PCCB: variants seen among roughly 807,000 people sequenced by gnomAD.
The protein encoded by PCCB is propionyl-CoA carboxylase subunit beta, also known as propionyl-CoA carboxylase beta chain, mitochondrial.
A neutral mutation model predicts 60.7 loss-of-function variants in PCCB; 43 were observed. That is an observed-to-expected ratio of 0.71 (90% CI 0.55 to 0.91). PCCB has a LOEUF of 0.91. Among genes scored for constraint, PCCB ranks in the 40% least tolerant of loss-of-function variants. PCCB has a pLI of 0.00. For synonymous variants in PCCB, 276 were observed against 255.9 expected, an observed-to-expected ratio of 1.08 and a Z score of -0.75; for missense variants, 766 against 702.8, an observed-to-expected ratio of 1.09 and a Z score of -1.02.
In PCCB at chr3:136,328,842, C is replaced by T. The variant is rs751909863; in HGVS notation, c.1483C>T (p.Pro495Ser). 2 of 1,613,758 alleles carry T rather than the reference C, an allele frequency of 1.2e-6. No homozygotes were observed. Among genetic ancestry groups the T allele is most frequent in the Non-Finnish European group, 8.5e-7 (1 of 1,179,602 alleles). ...EYIEKFANPFPAAVRGFVDDI... is the reference protein window; with the variant it reads ...EYIEKFANPFSAAVRGFVDDI... ...CATCGAGAAGTTTGCCAACCCTTTCCCTGCAGCAGTGCGAGGTAGGGGACT... is the reference window on the plus strand; with the variant it reads ...CATCGAGAAGTTTGCCAACCCTTTCTCTGCAGCAGTGCGAGGTAGGGGACT... Residue 495 changes from proline (P) to serine (S), a missense_variant, in exon 14 of 15, where the codon CCT becomes TCT. Physicochemically the swap from Pro to Ser is moderately conservative, Grantham distance 74 (BLOSUM62 -1). Coordinates refer to ENST00000251654, the MANE Select transcript of PCCB (RefSeq NM_000532.5).
intron 10 of PCCB, among the ~76,000 whole-genome samples, chr3:136,319,190 T>C (rs1158220056): frequency 6.6e-6 from 1 of 152,210 alleles, no homozygotes; most frequent in African/African-American, 2.4e-5. Context: ...CATGTGCTTA[T>C]TGGCCATTTG....
At chr3:136,273,988 TC>T (rs773310397) in intron 5 of PCCB, among the ~76,000 whole-genome samples, 1 of 150,554 alleles carries the variant, frequency 6.6e-6, no homozygotes, top group African/African-American at 2.4e-5. Flanking sequence ...GATATCTCTT[TC>T]CCCCCCTTTA....
intron 4 of PCCB, 73 bp from the exon 5 acceptor site, chr3:136,261,879 T>C (rs568749653): frequency 9.9e-7 from 1 of 1,005,084 alleles, no homozygotes; most frequent in African/African-American, 1.6e-5. Context: ...CAGAAAACAC[T>C]GTGGTATTTT....
rs1326900888 is a variant in PCCB at position 136,322,310 on chromosome 3, C to T, written c.1091-4493C>T. Among the ~76,000 whole-genome samples the T allele has an allele frequency of 2.0e-5, 3 of 152,204 alleles. No individual in the cohort carries two copies. In the East Asian group the frequency reaches 5.8e-4, roughly 29 times the overall value. ...TAAACTCACATACCTGAGATAAATCCCACCTGGTTTTGATGTGTAATTCTT... is the reference window on the plus strand; with the variant it reads ...TAAACTCACATACCTGAGATAAATCTCACCTGGTTTTGATGTGTAATTCTT... On this transcript the variant is annotated intron_variant, in intron 10 of 14. Coordinates refer to ENST00000251654, the MANE Select transcript of PCCB (RefSeq NM_000532.5).
chr3:136,316,613 G>T (rs1280055894), intron 9 of PCCB, among the ~76,000 whole-genome samples: 2 of 152,178 alleles, frequency 1.3e-5, no homozygotes, highest in Non-Finnish European at 2.9e-5. Context: ...ACTGGGCCCG[G>T]CCTGACATTT....
chr3:136,316,087 T>C (rs1934882198), intron 9 of PCCB, among the ~76,000 whole-genome samples: 1 of 151,398 alleles, frequency 6.6e-6, no homozygotes, highest in African/African-American at 2.4e-5. Context: ...AGCATGGTGG[T>C]GCACAGCTGT....
At chr3:136,256,677 A>G in intron 3 of PCCB, 54 bp downstream of exon 3, 1 of 1,218,040 alleles carries the variant, frequency 8.2e-7, no homozygotes, top group South Asian at 1.2e-5. Context: ...AGCCAAGAGG[A>G]AAATATGTGA....
intron 9 of PCCB, among the ~76,000 whole-genome samples, chr3:136,316,246 A>G (rs563861110): frequency 3.0e-4 from 45 of 152,092 alleles, no homozygotes; most frequent in African/African-American, 1.1e-3. Flanking sequence ...AAAAAGCAGA[A>G]TAGTTTGTAG....
Position 136,327,141 on chromosome 3 carries a change from TTCC to T in PCCB, c.1199-11_1199-9del. The T allele has an allele frequency of 6.2e-7, 1 of 1,612,078 alleles. No individual in the cohort carries two copies. Among genetic ancestry groups the T allele is most frequent in the Non-Finnish European group, 8.5e-7 (1 of 1,178,134 alleles). On this transcript the variant is annotated splice_polypyrimidine_tract_variant and intron_variant, in intron 11 of 14. Coordinates refer to ENST00000251654, the MANE Select transcript of PCCB (RefSeq NM_000532.5). Reference sequence around the variant, plus strand: ...AGGACTTGTGGGTATCTAGTAACTCTTCCTCATGTCTAGGCACAGCACAGGAAT... The same window carrying T: ...AGGACTTGTGGGTATCTAGTAACTCTTCATGTCTAGGCACAGCACAGGAAT...
At chr3:136,250,659 G>A (rs1031974178) in intron 1 of PCCB, 101 bp downstream of exon 1, 4 of 1,195,086 alleles carry the variant, frequency 3.3e-6, no homozygotes, top group African/African-American at 1.5e-5. Context: ...CAATCCGCAC[G>A]GTGCCTGGAG....
At chr3:136,287,728 G>A (rs1009305961) in intron 6 of PCCB, among the ~76,000 whole-genome samples, 10 of 152,104 alleles carry the variant, frequency 6.6e-5, no homozygotes, top group Admixed American at 1.3e-4. Context: ...GAGCCACTGC[G>A]CCCAGTTATA....
intron 5 of PCCB, among the ~76,000 whole-genome samples, chr3:136,264,724 A>T (rs1367479601): frequency 6.7e-6 from 1 of 149,742 alleles, no homozygotes; most frequent in Non-Finnish European, 1.5e-5. Context: ...AAAAACAAAA[A>T]ATTAGCCAGG....
intron 6 of PCCB, among the ~76,000 whole-genome samples, chr3:136,286,305 C>G (rs969387147): frequency 2.6e-5 from 4 of 152,220 alleles, no homozygotes; most frequent in African/African-American, 9.6e-5. Flanking sequence ...AACATTTGCT[C>G]TAGCTGATCA....
intron 6 of PCCB, among the ~76,000 whole-genome samples, chr3:136,284,863 G>A (rs1224713697): frequency 6.6e-6 from 1 of 152,080 alleles, no homozygotes; most frequent in African/African-American, 2.4e-5. Flanking sequence ...GATTCAGGTG[G>A]ATCACTTGAG....
chr3:136,295,138 A>G (rs1933874706), intron 7 of PCCB, among the ~76,000 whole-genome samples: 1 of 152,196 alleles, frequency 6.6e-6, no homozygotes, highest in Non-Finnish European at 1.5e-5. Flanking sequence ...TGGATTACCT[A>G]CCACACAGCA....
intron 9 of PCCB, among the ~76,000 whole-genome samples, chr3:136,308,233 A>AC (rs1934518411): frequency 1.3e-5 from 1 of 76,854 alleles, no homozygotes; most frequent in African/African-American, 5.7e-5. Context: ...ATAAGGAAGG[A>AC]CTTTTTTTTT....
chr3:136,251,279 C>G (rs549731533), intron 1 of PCCB: 11 of 456,648 alleles, frequency 2.4e-5, no homozygotes, highest in African/African-American at 2.2e-4. Context: ...AGCTGGGCGG[C>G]CCATTTTGGA....
intron 1 of PCCB, among the ~76,000 whole-genome samples, chr3:136,250,969 G>A (rs1326339138): frequency 6.6e-6 from 1 of 152,140 alleles, no homozygotes; most frequent in Admixed American, 6.5e-5. Flanking sequence ...AAAGAGTGAT[G>A]GTAGGTTCTT....
chr3:136,268,703 A>T (rs1473958357), intron 5 of PCCB, among the ~76,000 whole-genome samples: 1 of 151,840 alleles, frequency 6.6e-6, no homozygotes, highest in African/African-American at 2.4e-5. Context: ...ATCTCAGGTG[A>T]TCCACCCGCC....
Sources: allele counts gnomAD v4.1 joint callset (sites outside exome capture counted in the v4.1 genomes callset), GRCh38; gene constraint gnomAD v4.1.1; transcripts MANE v1.5; gene names NCBI Gene and HGNC (gene_info 2026-07-23, HGNC 2026-07-21).